The following NFIX variants were observed in gnomAD, a reference collection of about 807,000 sequenced individuals.
The protein encoded by NFIX is nuclear factor I X.
A neutral mutation model predicts 53.3 loss-of-function variants in NFIX; 2 were observed. The observed-to-expected ratio is 0.04, with a 90% CI of 0.02 to 0.12. The LOEUF (loss-of-function observed/expected upper bound fraction) is 0.12. NFIX is among the 10% of genes least tolerant of loss of function. NFIX has a pLI of 1.00. For missense variants in NFIX, 310 were observed against 674.5 expected, an observed-to-expected ratio of 0.46 and a Z score of 5.99; for synonymous variants, 244 against 289.0, an observed-to-expected ratio of 0.84 and a Z score of 1.58.
At position 13,009,748 on chromosome 19, in the gene NFIX, C is replaced by A. The variant is rs1422373188; in HGVS notation, c.27+13884C>A. Among the ~76,000 whole-genome samples, 1 of 152,222 alleles carries A rather than the reference C, an allele frequency of 6.6e-6. No individual in the cohort carries two copies. The highest frequency in any genetic ancestry group is 1.5e-5 in the Non-Finnish European group (1 of 68,046). ...TGATGGGCACTGAAAAACCGATGGG[C>A]AGTGAGGGCTATCAGAGGGGCAACT... is the stretch of plus-strand genomic sequence containing the variant. On this transcript the variant is annotated intron_variant, in intron 1 of 10. Coordinates refer to ENST00000592199, the MANE Select transcript of NFIX (RefSeq NM_001365902.3). The surrounding 1 kb of genome is among the most constrained non-coding windows in gnomAD (Gnocchi z 4.7).
rs537031247 is a variant in NFIX, at chr19:13,014,257, AC to A, written c.28-10762del. ...TTCGCAAATCCCCAAACTGGCACAA[AC>A]CGGGAAACTTGCGGCCGGCCGTTCT... On this transcript the variant is annotated intron_variant, in intron 1 of 10. Coordinates refer to ENST00000592199, the MANE Select transcript of NFIX (RefSeq NM_001365902.3). The surrounding 1 kb of genome is among the most constrained non-coding windows in gnomAD (Gnocchi z 4.4). 6.6e-6 allele frequency: 1 copy of A among 152,042 alleles called. No homozygotes were observed. The highest frequency in any genetic ancestry group is 1.5e-5 in the Non-Finnish European group (1 of 67,962). 9.4% of individuals were successfully genotyped at this position (152,042 alleles called of 1,614,324 possible). A position where few individuals can be genotyped will look rare whatever the true frequency, so the allele number is the denominator to read the frequency against.
intron 1 of NFIX, among the ~76,000 whole-genome samples, chr19:13,015,484 C>G (rs568679410): frequency 6.6e-6 from 1 of 152,232 alleles, no homozygotes; most frequent in South Asian, 2.1e-4. Flanking sequence ...CCTCACCTTC[C>G]TGCAGGGTTC....
At chr19:13,044,448 G>T (rs1194438227) in intron 2 of NFIX, among the ~76,000 whole-genome samples, 2 of 152,266 alleles carry the variant, frequency 1.3e-5, no homozygotes, top group African/African-American at 4.8e-5. Context: ...ACAAGTATGG[G>T]TTGGGGTGTG....
rs2015357428 is a variant in NFIX at position 13,051,966 on chromosome 19, T to G, written c.560-21081T>G. On this transcript the variant is annotated intron_variant, in intron 2 of 10. Coordinates refer to ENST00000592199, the MANE Select transcript of NFIX (RefSeq NM_001365902.3). The surrounding 1 kb of genome is among the most constrained non-coding windows in gnomAD (Gnocchi z 5.1). ...GCTCCGGCTTCATGCTCTCCAGGTTTCTCCACTTCCTTTGCAGACCTCCCT... is the reference window on the plus strand; with the variant it reads ...GCTCCGGCTTCATGCTCTCCAGGTTGCTCCACTTCCTTTGCAGACCTCCCT... Among the ~76,000 whole-genome samples the G allele has an allele frequency of 1.3e-5, 2 of 152,128 alleles. No homozygotes were observed. The highest frequency in any genetic ancestry group is 2.9e-5 in the Non-Finnish European group (2 of 68,018).
At chr19:13,077,044 G>A (rs2017148276) in intron 6 of NFIX, among the ~76,000 whole-genome samples, 1 of 152,142 alleles carries the variant, frequency 6.6e-6, no homozygotes, top group Non-Finnish European at 1.5e-5. Context: ...GCAGAGAGAG[G>A]AGTTGAGAAG....
intron 8 of NFIX, among the ~76,000 whole-genome samples, chr19:13,084,003 C>T (rs979034742): frequency 2.6e-5 from 4 of 152,238 alleles, no homozygotes; most frequent in East Asian, 3.8e-4. Context: ...GGCTGTGCCT[C>T]ACCCCCAGAG....
chr19:13,080,776 G>A (rs901337965), intron 7 of NFIX, among the ~76,000 whole-genome samples: 29 of 148,200 alleles, frequency 2.0e-4, no homozygotes, highest in Non-Finnish European at 3.1e-4. Flanking sequence ...TGAGGTGGGC[G>A]GATCACAAGG....
At position 12,996,298 on chromosome 19, in the gene NFIX, C is replaced by T. The variant is rs577168130; in HGVS notation, c.27+434C>T. ...TGACAGAGTGGCAAGAGGGTGGTCC[C>T]GAGGGCGCAGAGGGGACACTGGGTC... On this transcript the variant is annotated intron_variant, in intron 1 of 10. Coordinates refer to ENST00000592199, the MANE Select transcript of NFIX (RefSeq NM_001365902.3). This position sits in a 1 kb window ranked among gnomAD's most constrained non-coding sequence, Gnocchi z 5.2. Among the ~76,000 whole-genome samples, 94 of 152,042 alleles carry T rather than the reference C, an allele frequency of 6.2e-4. 1 individual carries two copies. The highest frequency in any genetic ancestry group is 2.2e-3 in the African/African-American group (90 of 41,508).
In NFIX at chr19:12,996,142, C is replaced by CGTGTGT. The variant is rs3046151; in HGVS notation, c.27+302_27+307dup. ...TGGAGCGCAGGCGGGAGTGCGTGTA[C>CGTGTGT]GTGTGTGTGTGTGTGTGTGTGTGTG... On this transcript the variant is annotated intron_variant, in intron 1 of 10. Coordinates refer to ENST00000592199, the MANE Select transcript of NFIX (RefSeq NM_001365902.3). This position sits in a 1 kb window ranked among gnomAD's most constrained non-coding sequence, Gnocchi z 5.2. Among the ~76,000 whole-genome samples the CGTGTGT allele has an allele frequency of 2.1e-4, 30 of 145,726 alleles. No homozygotes were observed. The highest frequency in any genetic ancestry group is 3.5e-4 in the Non-Finnish European group (23 of 65,674).
chr19:13,091,623 C>G (rs1006818308), intron 10 of NFIX, among the ~76,000 whole-genome samples: 1 of 152,130 alleles, frequency 6.6e-6, no homozygotes, highest in African/African-American at 2.4e-5. Context: ...AACAATGGCT[C>G]CGAGCAGGGG....
At chr19:13,035,715 TC>T (rs2014139424) in intron 2 of NFIX, among the ~76,000 whole-genome samples, 1 of 152,226 alleles carries the variant, frequency 6.6e-6, no homozygotes, top group African/African-American at 2.4e-5. Context: ...CAACTTCACT[TC>T]GCAGATCCAT....
At chr19:13,019,555 G>T (rs2012847947) in intron 1 of NFIX, among the ~76,000 whole-genome samples, 1 of 151,800 alleles carries the variant, frequency 6.6e-6, no homozygotes, top group Admixed American at 6.6e-5. Flanking sequence ...TCTCTCTCCA[G>T]GTTTGGCTTT....
At chr19:13,020,614 T>C (rs2012914997) in intron 1 of NFIX, among the ~76,000 whole-genome samples, 1 of 152,152 alleles carries the variant, frequency 6.6e-6, no homozygotes. Context: ...TGACAATTGT[T>C]CTTCCTCCAA....
rs1175693798 is a variant in NFIX at position 13,001,472 on chromosome 19, C to T, written c.27+5608C>T. On this transcript the variant is annotated intron_variant, in intron 1 of 10. Coordinates refer to ENST00000592199, the MANE Select transcript of NFIX (RefSeq NM_001365902.3). The surrounding 1 kb of genome is among the most constrained non-coding windows in gnomAD (Gnocchi z 6.5). The stretch of plus-strand genomic sequence containing the variant: ...TGTGTCACGGTGGCGCTGCGCACGT[C>T]AACGGGTATTGGTGTACCGGTCACC... Among the ~76,000 whole-genome samples the T allele has an allele frequency of 6.6e-6, 1 of 152,072 alleles. No homozygotes were observed. Among genetic ancestry groups the T allele is most frequent in the Middle Eastern group, 3.2e-3 (1 of 316 alleles).
intron 1 of NFIX, among the ~76,000 whole-genome samples, chr19:13,019,734 T>G (rs74851053): frequency 1.5e-5 from 2 of 136,182 alleles, no homozygotes; most frequent in Non-Finnish European, 1.6e-5. Flanking sequence ...TTTGTTTGTT[T>G]TTTTTTTTTT....
At chr19:13,000,758 C>T (rs1204941632) in intron 1 of NFIX, among the ~76,000 whole-genome samples, 1 of 152,138 alleles carries the variant, frequency 6.6e-6, no homozygotes, top group Non-Finnish European at 1.5e-5. Flanking sequence ...TGCACCTGGG[C>T]GTTGTCACCT....
intron 2 of NFIX, among the ~76,000 whole-genome samples, chr19:13,039,299 C>T (rs536784233): frequency 3.3e-5 from 5 of 151,590 alleles, no homozygotes; most frequent in Admixed American, 3.3e-4. Flanking sequence ...CAGGAGTGTT[C>T]CCAGCCACGT....
chr19:13,003,363 G>A (rs1424044840), intron 1 of NFIX, among the ~76,000 whole-genome samples: 1 of 152,088 alleles, frequency 6.6e-6, no homozygotes, highest in Non-Finnish European at 1.5e-5. Context: ...GCAGTCACAC[G>A]ATCACATGCC....
chr19:13,010,172 A>ACGACATCCCGCCTTGGCCTGC (rs1308984694), intron 1 of NFIX, among the ~76,000 whole-genome samples: 4 of 152,118 alleles, frequency 2.6e-5, no homozygotes, highest in Non-Finnish European at 5.9e-5. Context: ...CAGGGCTCCA[A>ACGACATCCCGCCTTGGCCTGC]CGACATCCCG....
Sources: gnomAD v4.1 joint callset for allele counts (sites outside exome capture counted in the v4.1 genomes callset) on GRCh38, gnomAD v4.1.1 for gene constraint, Gnocchi (gnomAD v3.1) non-coding constraint, MANE v1.5 for transcripts, NCBI Gene and HGNC (gene_info 2026-07-23, HGNC 2026-07-21) for gene names.